The following FBXO34 variants were observed in gnomAD, a reference collection of about 807,000 sequenced individuals.
The protein encoded by FBXO34 is F-box only protein 34.
A neutral mutation model predicts 24.5 loss-of-function variants in FBXO34; 12 were observed. That is an observed-to-expected ratio of 0.49 (90% CI 0.31 to 0.79). FBXO34 has a LOEUF of 0.79. Ranked by LOEUF, FBXO34 falls within the 30% of genes least tolerant of loss-of-function variation. The probability of loss-of-function intolerance (pLI) is 0.04; values close to 1 mark genes in which losing one functional copy is unlikely to be tolerated. For missense variants in FBXO34, 823 were observed against 857.7 expected (o/e 0.96, Z 0.51); for synonymous variants, 320 against 311.9 (o/e 1.03, Z -0.27).
chr14:55,380,501 G>C, the FBXO34 span: 1 of 993,728 alleles, frequency 1.0e-6, no homozygotes, highest in Admixed American at 2.2e-5. Context: ...TGGTTTATTG[G>C]AATAAATAAA....
the FBXO34 span, among the ~76,000 whole-genome samples, chr14:55,386,938 G>A: frequency 6.6e-6 from 1 of 152,204 alleles, no homozygotes; most frequent in South Asian, 2.1e-4. Flanking sequence ...ATCTTCTCCA[G>A]TTTCCCTACT....
At chr14:55,330,627 TAA>T (rs1883501624) in intron 1 of FBXO34, among the ~76,000 whole-genome samples, 1 of 151,710 alleles carries the variant, frequency 6.6e-6, no homozygotes, top group Admixed American at 6.6e-5. Context: ...CAAAAAAAAT[TAA>T]AGTAAAAAAA....
chr14:55,326,291 C>T (rs1883340466), intron 1 of FBXO34, among the ~76,000 whole-genome samples: 1 of 152,138 alleles, frequency 6.6e-6, no homozygotes. Flanking sequence ...TTAAAGACAA[C>T]TAGTAGGGAA....
At chr14:55,299,308 C>T (rs1438724212) in intron 1 of FBXO34, 20 of 677,616 alleles carry the variant, frequency 3.0e-5, no homozygotes, top group Non-Finnish European at 4.1e-5. Context: ...CAGGTTCCAT[C>T]GCTCTCGACT....
At chr14:55,362,260 TTTA>T (rs143032076), downstream of FBXO34, among the ~76,000 whole-genome samples, 6 of 152,292 alleles carry the variant, frequency 3.9e-5, no homozygotes, top group East Asian at 1.2e-3. Context: ...AATACACACA[TTTA>T]TTAAGTTTGC....
At chr14:55,340,015 A>C (rs1883936483) in intron 1 of FBXO34, among the ~76,000 whole-genome samples, 1 of 152,188 alleles carries the variant, frequency 6.6e-6, no homozygotes, top group Admixed American at 6.5e-5. Flanking sequence ...TGCTGACAGA[A>C]GTCTTAACTT....
At chr14:55,396,832 A>G in the FBXO34 span, among the ~76,000 whole-genome samples, 2 of 152,272 alleles carry the variant, frequency 1.3e-5, no homozygotes, top group African/African-American at 4.8e-5. Context: ...TTAATAACTC[A>G]GATTCCCACC....
At chr14:55,273,149 A>G (rs926943340) in intron 1 of FBXO34, among the ~76,000 whole-genome samples, 3 of 151,230 alleles carry the variant, frequency 2.0e-5, no homozygotes, top group Admixed American at 6.6e-5. Flanking sequence ...ATCCTTCCTC[A>G]CTGACCTTGA....
the FBXO34 span, chr14:55,411,478 C>T: frequency 1.0e-6 from 1 of 955,522 alleles, no homozygotes; most frequent in Admixed American, 2.5e-5. Flanking sequence ...AGCTACACTC[C>T]CTCTCTCTCG....
intron 1 of FBXO34, among the ~76,000 whole-genome samples, chr14:55,312,526 C>T (rs529583856): frequency 1.3e-5 from 2 of 152,316 alleles, no homozygotes; most frequent in East Asian, 3.9e-4. Context: ...TCCGCACTGC[C>T]CTAGCAGAGG....
chr14:55,372,792 G>T (rs1884848157), downstream of FBXO34, among the ~76,000 whole-genome samples: 1 of 151,986 alleles, frequency 6.6e-6, no homozygotes, highest in South Asian at 2.1e-4. Context: ...TGGGGTCTTA[G>T]TTTTCCCAGG....
At chr14:55,291,361 A>G (rs546792749) in intron 1 of FBXO34, among the ~76,000 whole-genome samples, 10 of 152,206 alleles carry the variant, frequency 6.6e-5, no homozygotes, top group Non-Finnish European at 7.4e-5. Context: ...CATGGATTAC[A>G]CAGTTAGCTA....
chr14:55,415,228 A>G, the FBXO34 span, among the ~76,000 whole-genome samples: 2 of 152,224 alleles, frequency 1.3e-5, no homozygotes, highest in African/African-American at 4.8e-5. Flanking sequence ...TTAATCTGAT[A>G]TTTTGTGGGC....
intron 1 of FBXO34, chr14:55,298,610 CCGGAG>C (rs1882224383): frequency 8.8e-7 from 1 of 1,133,674 alleles, no homozygotes; most frequent in Admixed American, 2.6e-5. Context: ...CGGAGCCCAG[CCGGAG>C]CGGGCGTTGA....
At chr14:55,308,031 G>T (rs116648703) in intron 1 of FBXO34, among the ~76,000 whole-genome samples, 1,827 of 152,244 alleles carry the variant, frequency 0.012, 44 homozygotes, top group African/African-American at 0.041. Context: ...TAAGTCTCAC[G>T]AGATCCGATG....
downstream of FBXO34, among the ~76,000 whole-genome samples, chr14:55,365,171 A>G (rs1884652337): frequency 6.8e-6 from 1 of 147,108 alleles, no homozygotes; most frequent in Non-Finnish European, 1.5e-5. Flanking sequence ...AGATCGTGCC[A>G]CTACACTGCA....
intron 1 of FBXO34, among the ~76,000 whole-genome samples, chr14:55,273,773 C>CT (rs961295651): frequency 9.2e-5 from 14 of 152,106 alleles, no homozygotes; most frequent in Non-Finnish European, 1.9e-4. Context: ...CTGGGGCCGG[C>CT]TACACGGCTG....
downstream of FBXO34, chr14:55,354,700 G>A (rs1884493587): frequency 6.6e-6 from 1 of 152,294 alleles, no homozygotes; most frequent in Non-Finnish European, 1.5e-5. Context: ...TGCATGAAAG[G>A]TGGAGGATTA....
chr14:55,338,039 T>C (rs1383113712), intron 1 of FBXO34, among the ~76,000 whole-genome samples: 2 of 142,372 alleles, frequency 1.4e-5, no homozygotes, highest in African/African-American at 5.5e-5. Context: ...GAGATAAGAG[T>C]ATGTACTTCT....
Sources: gnomAD v4.1 joint callset for allele counts (sites outside exome capture counted in the v4.1 genomes callset) on GRCh38, gnomAD v4.1.1 for gene constraint, MANE v1.5 for transcripts, NCBI Gene and HGNC (gene_info 2026-07-23, HGNC 2026-07-21) for gene names.